Variants in ANKRD26 observed in about 807,000 individuals in gnomAD.
ANKRD26 encodes the protein ankyrin repeat domain-containing protein 26.
In ANKRD26, 141 loss-of-function variants were observed where a neutral mutation model predicts 208.7. The ratio of observed to expected loss-of-function variants is 0.68; its 90% confidence interval spans 0.59 to 0.78. ANKRD26 has a LOEUF of 0.78. Ranked by LOEUF, ANKRD26 falls within the 30% of genes least tolerant of loss-of-function variation. The probability of loss-of-function intolerance (pLI) is 0.00; values close to 1 mark genes in which losing one functional copy is unlikely to be tolerated. For synonymous variants in ANKRD26, 636 were observed against 660.4 expected, an observed-to-expected ratio of 0.96 and a Z score of 0.57; for missense variants, 1,889 against 1,938.7, an observed-to-expected ratio of 0.97 and a Z score of 0.48.
At chr10:27,022,027 T>C (rs1266428465) in intron 29 of ANKRD26, among the ~76,000 whole-genome samples, 4 of 152,206 alleles carry the variant, frequency 2.6e-5, no homozygotes, top group East Asian at 1.9e-4. Flanking sequence ...CTTTGCTCTG[T>C]AGAAGCTCTT....
intron 31 of ANKRD26, 110 bp downstream of exon 31, chr10:27,014,384 A>G: frequency 1.2e-6 from 1 of 813,892 alleles, no homozygotes; most frequent in Non-Finnish European, 1.9e-6. Context: ...CCAAAATTAT[A>G]TTACCTATTT....
chr10:27,078,765 C>T (rs1352331869), intron 7 of ANKRD26, among the ~76,000 whole-genome samples: 2 of 151,996 alleles, frequency 1.3e-5, no homozygotes, highest in Non-Finnish European at 2.9e-5. Context: ...TCCATATAAA[C>T]TTTGACCAAA....
At chr10:27,064,889 T>C (rs1351061776) in intron 11 of ANKRD26, among the ~76,000 whole-genome samples, 2 of 152,244 alleles carry the variant, frequency 1.3e-5, no homozygotes, top group Admixed American at 6.5e-5. Flanking sequence ...GTATTAAGCA[T>C]GTGAAATGTG....
chr10:27,028,838 A>T lies in ANKRD26; in HGVS notation c.3972+14T>A. ...TTCCTTTTCAGTACGACAGAAATTA[A>T]GTGGCTGACTTACCAAATTTGCATT... On this transcript the variant is annotated intron_variant, in intron 27 of 33. Transcript: ENST00000376087. 2 of 1,603,564 alleles carry T rather than the reference A, an allele frequency of 1.2e-6. No individual in the cohort carries two copies. The highest frequency in any genetic ancestry group is 1.7e-6 in the Non-Finnish European group (2 of 1,170,924).
At chr10:27,058,985 G>T (rs1419737643) in intron 15 of ANKRD26, among the ~76,000 whole-genome samples, 1 of 151,218 alleles carries the variant, frequency 6.6e-6, no homozygotes, top group Non-Finnish European at 1.5e-5. Context: ...TGCAATCTTG[G>T]CTCACTGCAA....
intron 15 of ANKRD26, among the ~76,000 whole-genome samples, chr10:27,057,149 A>C (rs2054866479): frequency 6.6e-6 from 1 of 152,202 alleles, no homozygotes; most frequent in Admixed American, 6.5e-5. Flanking sequence ...ATTAGAATGT[A>C]AATAATATAG....
At chr10:27,012,270 T>C (rs191155840) in intron 32 of ANKRD26, among the ~76,000 whole-genome samples, 2 of 152,168 alleles carry the variant, frequency 1.3e-5, no homozygotes, top group Admixed American at 6.5e-5. Context: ...TATCAGGCAA[T>C]AGGCAATAAT....
chr10:27,077,463 C>T lies in ANKRD26; in HGVS notation c.952G>A (p.Val318Ile). The T allele has an allele frequency of 1.2e-6, 2 of 1,614,110 alleles. No individual in the cohort carries two copies. The highest frequency in any genetic ancestry group is 3.3e-5 in the Admixed American group (2 of 60,026). ...EDRDSDSQDE[V>I]VVESLPTTSI... Reference sequence around the variant, plus strand: ...GTTGTAGGAAGGCTTTCAACCACAACTTCATCTTGACTATCGGAATCTCTA... The same window carrying T: ...GTTGTAGGAAGGCTTTCAACCACAATTTCATCTTGACTATCGGAATCTCTA... Residue 318 changes from valine to isoleucine, a missense_variant, in exon 9 of 34, where the codon GTT becomes ATT. Coordinates refer to ENST00000376087, the MANE Select transcript of ANKRD26 (RefSeq NM_014915.3).
At chr10:27,067,433 T>TAA in intron 9 of ANKRD26, 147 bp from the exon 10 acceptor site, 1 of 888,236 alleles carries the variant, frequency 1.1e-6, no homozygotes, top group Non-Finnish European at 1.7e-6. Flanking sequence ...TTTTTTTTTT[T>TAA]AAAGAAACAC....
intron 17 of ANKRD26, 33 bp downstream of exon 17, chr10:27,048,768 A>G: frequency 6.3e-7 from 1 of 1,581,774 alleles, no homozygotes; most frequent in South Asian, 1.1e-5. Context: ...GCACAATAAC[A>G]ATTATCTGCT....
intron 15 of ANKRD26, among the ~76,000 whole-genome samples, chr10:27,054,450 T>C (rs2054772680): frequency 6.6e-6 from 1 of 152,002 alleles, no homozygotes. Context: ...CTGGGCGTGG[T>C]GGTGTGTGCC....
At chr10:26,954,672 T>A in the ANKRD26 span, among the ~76,000 whole-genome samples, 1 of 152,202 alleles carries the variant, frequency 6.6e-6, no homozygotes, top group East Asian at 1.9e-4. Flanking sequence ...GTTGTATTAA[T>A]ACACCTACTC....
At chr10:27,097,502 A>G (rs1589386798) in intron 1 of ANKRD26, among the ~76,000 whole-genome samples, 1 of 152,182 alleles carries the variant, frequency 6.6e-6, no homozygotes, top group Non-Finnish European at 1.5e-5. Flanking sequence ...TGTCTGCTAC[A>G]TAACAGGTAT....
intron 1 of ANKRD26, 140 bp from the exon 2 acceptor site, chr10:27,093,939 C>A: frequency 1.4e-6 from 1 of 727,530 alleles, no homozygotes. Flanking sequence ...GGCTGTGTCC[C>A]CAACCAAATC....
At chr10:27,084,068 C>A (rs1307242221) in intron 5 of ANKRD26, among the ~76,000 whole-genome samples, 1 of 151,842 alleles carries the variant, frequency 6.6e-6, no homozygotes, top group Non-Finnish European at 1.5e-5. Flanking sequence ...CAAAAAGTAG[C>A]CAGGCATGGT....
chr10:26,998,419 G>T (rs1434065390), intron 4 of ANKRD26, among the ~76,000 whole-genome samples: 1 of 152,142 alleles, frequency 6.6e-6, no homozygotes. Context: ...GGGGCTGATT[G>T]TTGTCATTCT....
At chr10:27,073,824 G>A (rs745898890) in intron 9 of ANKRD26, among the ~76,000 whole-genome samples, 294 of 152,270 alleles carry the variant, frequency 1.9e-3, no homozygotes, top group Non-Finnish European at 2.7e-3. Flanking sequence ...ACAGGAAACA[G>A]TAAACCTGCT....
intron 5 of ANKRD26, among the ~76,000 whole-genome samples, chr10:26,994,886 A>G (rs552761935): frequency 6.6e-6 from 1 of 152,360 alleles, no homozygotes; most frequent in South Asian, 2.1e-4. Context: ...GAGCTCGCCA[A>G]TTGAAAAGCT....
intron 5 of ANKRD26, among the ~76,000 whole-genome samples, chr10:26,993,518 C>A (rs2052526901): frequency 6.6e-6 from 1 of 152,136 alleles, no homozygotes; most frequent in Admixed American, 6.6e-5. Flanking sequence ...ACAAATTTTG[C>A]AGTATCTCAT....
Sources: allele counts gnomAD v4.1 joint callset (sites outside exome capture counted in the v4.1 genomes callset), GRCh38; gene constraint gnomAD v4.1.1; transcripts MANE v1.5; gene names NCBI Gene and HGNC (gene_info 2026-07-23, HGNC 2026-07-21).